Variants in FUT9 observed in about 807,000 individuals in gnomAD.
FUT9 encodes 4-galactosyl-N-acetylglucosaminide 3-alpha-L-fucosyltransferase 9.
FUT9 carries 15 observed loss-of-function variants against 29.7 expected under a neutral mutation model. The ratio of observed to expected loss-of-function variants is 0.51; its 90% CI spans 0.34 to 0.78. The LOEUF is 0.78. Among genes scored for constraint, FUT9 ranks in the 30% least tolerant of loss-of-function variants. FUT9 has a pLI of 0.01. For missense variants in FUT9, 319 were observed against 425.4 expected (o/e 0.75, Z 2.20); for synonymous variants, 169 against 153.7 (o/e 1.10, Z -0.74).
chr6:96,165,859 A>G (rs915220603), intron 2 of FUT9, among the ~76,000 whole-genome samples: 5 of 152,166 alleles, frequency 3.3e-5, no homozygotes, highest in South Asian at 2.1e-4. Context: ...CAAGTGATCC[A>G]CCAGCCTCAA....
Position 96,065,546 on chromosome 6 carries a change from A to G in FUT9, c.-97-48493A>G, listed in dbSNP as rs140635214. Among the ~76,000 whole-genome samples the G allele has an allele frequency of 7.9e-5, 12 of 152,206 alleles. No individual in the cohort carries two copies. In the East Asian group the frequency reaches 2.3e-3, roughly 29 times the overall value. The stretch of plus-strand genomic sequence containing the variant: ...TGACCAGTATGTTAATAAGTACAAT[A>G]TTGTTCTATCTCTTTAAGCTCCAAG... On this transcript the variant is annotated intron_variant, in intron 1 of 2. Coordinates refer to ENST00000302103, the MANE Select transcript of FUT9 (RefSeq NM_006581.4).
chr6:96,136,941 C>A (rs951811349), intron 2 of FUT9, among the ~76,000 whole-genome samples: 1 of 151,938 alleles, frequency 6.6e-6, no homozygotes, highest in Non-Finnish European at 1.5e-5. Context: ...TTACAGCATG[C>A]AGACTGCATT....
Position 96,024,919 on chromosome 6 carries a change from T to A in FUT9, c.-98+8707T>A, listed in dbSNP as rs146506874. ...CTCCTCAAGAGGAGTAAAGCTTCCTTATAGCAGCAAAGTCCCACTGCAAAA... is the reference window on the plus strand; with the variant it reads ...CTCCTCAAGAGGAGTAAAGCTTCCTAATAGCAGCAAAGTCCCACTGCAAAA... On this transcript the variant is annotated intron_variant, in intron 1 of 2. Coordinates refer to ENST00000302103, the MANE Select transcript of FUT9 (RefSeq NM_006581.4). Among the ~76,000 whole-genome samples, 222 of 151,884 alleles carry A rather than the reference T, an allele frequency of 1.5e-3. 3 individuals carry two copies. The highest frequency in any genetic ancestry group is 5.0e-3 in the African/African-American group (209 of 41,480).
intron 2 of FUT9, among the ~76,000 whole-genome samples, chr6:96,176,361 T>C (rs1055950007): frequency 1.7e-4 from 26 of 151,562 alleles, no homozygotes; most frequent in African/African-American, 6.0e-4. Context: ...TGATATATAA[T>C]ATATGTTATA....
Position 96,168,099 on chromosome 6 carries a change from A to G in FUT9, c.-8-35049A>G, listed in dbSNP as rs1773046710. ...GCCATCAGGTAAGATAGAGAAAGAAACAAGTGGAGAAGACTGGGTAGAACA... is the reference window on the plus strand; with the variant it reads ...GCCATCAGGTAAGATAGAGAAAGAAGCAAGTGGAGAAGACTGGGTAGAACA... On this transcript the variant is annotated intron_variant, in intron 2 of 2. Coordinates refer to ENST00000302103, the MANE Select transcript of FUT9 (RefSeq NM_006581.4). Among the ~76,000 whole-genome samples, 3 of 152,194 alleles carry G rather than the reference A, an allele frequency of 2.0e-5. No individual in the cohort carries two copies. The South Asian group carries it at 6.2e-4, about 31-fold the overall frequency.
intron 1 of FUT9, among the ~76,000 whole-genome samples, chr6:96,104,381 CTTTAT>C (rs1054320835): frequency 3.3e-5 from 5 of 151,976 alleles, no homozygotes; most frequent in Non-Finnish European, 2.9e-5. Flanking sequence ...TGGCTTGATA[CTTTAT>C]TTTAATTTTC....
chr6:96,117,619 G>A (rs1044162230), intron 2 of FUT9, among the ~76,000 whole-genome samples: 1 of 152,178 alleles, frequency 6.6e-6, no homozygotes, highest in African/African-American at 2.4e-5. Flanking sequence ...CACAAGAAAA[G>A]TCTCTGAGAA....
chr6:96,166,735 T>G (rs1415510670), intron 2 of FUT9, among the ~76,000 whole-genome samples: 1 of 152,140 alleles, frequency 6.6e-6, no homozygotes, highest in Non-Finnish European at 1.5e-5. Context: ...CCCACTGATA[T>G]AAAAATCTAT....
At chr6:96,028,877 T>C (rs898904150) in intron 1 of FUT9, among the ~76,000 whole-genome samples, 1 of 151,598 alleles carries the variant, frequency 6.6e-6, no homozygotes, top group Non-Finnish European at 1.5e-5. Context: ...TTAATAATTA[T>C]TCAGTCACAG....
intron 2 of FUT9, among the ~76,000 whole-genome samples, chr6:96,174,393 G>C (rs555646501): frequency 1.6e-4 from 24 of 152,112 alleles, no homozygotes; most frequent in African/African-American, 5.5e-4. Context: ...CATCTACATG[G>C]GGACAGAATC....
intron 2 of FUT9, among the ~76,000 whole-genome samples, chr6:96,134,796 C>T (rs1772316976): frequency 6.6e-6 from 1 of 151,792 alleles, no homozygotes. Context: ...TGTGTATAAC[C>T]ACTACACTAT....
intron 1 of FUT9, among the ~76,000 whole-genome samples, chr6:96,052,741 T>C (rs942990733): frequency 1.3e-5 from 2 of 152,104 alleles, no homozygotes; most frequent in Non-Finnish European, 2.9e-5. Context: ...ACACTATAAT[T>C]AAAAGTTTCT....
intron 1 of FUT9, among the ~76,000 whole-genome samples, chr6:96,027,574 C>A (rs974819306): frequency 6.6e-6 from 1 of 151,436 alleles, no homozygotes; most frequent in African/African-American, 2.4e-5. Flanking sequence ...GTACTTCTCC[C>A]CTTCCTCTTT....
intron 2 of FUT9, among the ~76,000 whole-genome samples, chr6:96,142,415 C>A (rs1240830824): frequency 6.6e-6 from 1 of 152,110 alleles, no homozygotes; most frequent in Non-Finnish European, 1.5e-5. Context: ...AAAGTGGTAA[C>A]TGGAGAGACA....
At chr6:96,079,219 C>G (rs1270743757) in intron 1 of FUT9, among the ~76,000 whole-genome samples, 1 of 152,136 alleles carries the variant, frequency 6.6e-6, no homozygotes, top group African/African-American at 2.4e-5. Flanking sequence ...TGCATTCCTT[C>G]GACCAACCTT....
intron 2 of FUT9, among the ~76,000 whole-genome samples, chr6:96,124,613 G>T: frequency 6.6e-6 from 1 of 151,630 alleles, no homozygotes. Flanking sequence ...TCTCCTCCCA[G>T]AAGTCTGACC....
intron 2 of FUT9, among the ~76,000 whole-genome samples, chr6:96,164,412 C>A (rs1394783155): frequency 1.3e-5 from 2 of 152,010 alleles, no homozygotes; most frequent in African/African-American, 4.8e-5. Flanking sequence ...GCGCCTGCCA[C>A]CGCTCCCGGC....
intron 1 of FUT9, among the ~76,000 whole-genome samples, chr6:96,037,859 A>C (rs1172460361): frequency 2.0e-5 from 3 of 152,150 alleles, no homozygotes; most frequent in African/African-American, 4.8e-5. Flanking sequence ...GGTGAATGTG[A>C]CAGTGATTGA....
chr6:96,087,454 C>A (rs1771336713), intron 1 of FUT9, among the ~76,000 whole-genome samples: 1 of 150,270 alleles, frequency 6.7e-6, no homozygotes, highest in African/African-American at 2.5e-5. Flanking sequence ...GCAACCTCTG[C>A]CTCCTGGGTT....
Sources: gnomAD v4.1 joint callset for allele counts (sites outside exome capture counted in the v4.1 genomes callset) on GRCh38, gnomAD v4.1.1 for gene constraint, MANE v1.5 for transcripts, NCBI Gene and HGNC (gene_info 2026-07-23, HGNC 2026-07-21) for gene names.